The following GRM8 variants were observed in gnomAD, a reference collection of about 807,000 sequenced individuals.
GRM8 encodes the protein glutamate metabotropic receptor 8.
Under a neutral mutation model 87.2 loss-of-function variants are expected in GRM8, and 47 were observed. The ratio of observed to expected loss-of-function variants is 0.54; its 90% confidence interval spans 0.43 to 0.69. The LOEUF is 0.69. Among genes scored for constraint, GRM8 ranks in the 30% least tolerant of loss-of-function variants. The pLI, the probability that GRM8 is intolerant of heterozygous loss-of-function variation, is 0.00. For missense variants in GRM8, 1,019 were observed against 1,139.2 expected (o/e 0.89, Z 1.52); for synonymous variants, 396 against 404.5 (o/e 0.98, Z 0.25).
At chr7:126,842,901 G>T (rs966141790) in intron 6 of GRM8, among the ~76,000 whole-genome samples, 2 of 152,086 alleles carry the variant, frequency 1.3e-5, no homozygotes, top group South Asian at 4.1e-4. Flanking sequence ...AAGACAATAC[G>T]CCTGTGTTCT....
chr7:126,774,418 G>A (rs555353378), intron 6 of GRM8, among the ~76,000 whole-genome samples: 30 of 152,218 alleles, frequency 2.0e-4, no homozygotes, highest in South Asian at 6.2e-4. Flanking sequence ...GCTAAATATC[G>A]TCAAAGGCTT....
intron 6 of GRM8, among the ~76,000 whole-genome samples, chr7:126,824,358 C>A (rs1172482443): frequency 1.3e-5 from 2 of 152,128 alleles, no homozygotes; most frequent in Non-Finnish European, 2.9e-5. Flanking sequence ...AGGAAAGAGT[C>A]AAAGTCAATG....
At chr7:126,546,945 G>A (rs369174643) in intron 8 of GRM8, among the ~76,000 whole-genome samples, 8 of 152,122 alleles carry the variant, frequency 5.3e-5, no homozygotes, top group Non-Finnish European at 7.3e-5. Context: ...GGATACCATC[G>A]TGAAATTAGT....
chr7:126,879,182 AG>A (rs1303204948), intron 6 of GRM8, among the ~76,000 whole-genome samples: 4 of 38,502 alleles, frequency 1.0e-4, no homozygotes, highest in South Asian at 8.8e-4. Context: ...GGGTCGGGGG[AG>A]GGGGCAGGGA....
At chr7:127,248,950 A>G (rs1270216777) in intron 1 of GRM8, among the ~76,000 whole-genome samples, 2 of 152,208 alleles carry the variant, frequency 1.3e-5, no homozygotes, top group Non-Finnish European at 2.9e-5. Flanking sequence ...ATGGACACTG[A>G]GCATCTAAAT....
intron 2 of GRM8, among the ~76,000 whole-genome samples, chr7:127,119,372 G>T (rs906223714): frequency 6.6e-6 from 1 of 152,042 alleles, no homozygotes; most frequent in Admixed American, 6.6e-5. Flanking sequence ...TGTAGTCCTA[G>T]CTACTCAAGA....
intron 9 of GRM8, among the ~76,000 whole-genome samples, chr7:126,495,106 G>A (rs1418108199): frequency 1.3e-5 from 2 of 151,930 alleles, no homozygotes; most frequent in African/African-American, 4.8e-5. Context: ...TTTGCAAACT[G>A]TGCAACAGTT....
At chr7:127,115,100 A>G (rs1826623494) in intron 2 of GRM8, among the ~76,000 whole-genome samples, 1 of 152,102 alleles carries the variant, frequency 6.6e-6, no homozygotes, top group Non-Finnish European at 1.5e-5. Flanking sequence ...CTCAAAAGGA[A>G]ATTGCATTCT....
At chr7:126,484,702 CA>C (rs1436526359) in intron 9 of GRM8, among the ~76,000 whole-genome samples, 1 of 151,614 alleles carries the variant, frequency 6.6e-6, no homozygotes, top group African/African-American at 2.4e-5. Flanking sequence ...ATCTTTATTC[CA>C]AAAGTTTTTG....
chr7:126,873,061 A>C (rs1382691131), intron 6 of GRM8, among the ~76,000 whole-genome samples: 1 of 152,130 alleles, frequency 6.6e-6, no homozygotes, highest in East Asian at 1.9e-4. Flanking sequence ...TAAAACACAC[A>C]CCTGCGCATA....
chr7:126,453,354 C>A (rs969865687), intron 9 of GRM8, among the ~76,000 whole-genome samples: 2 of 151,700 alleles, frequency 1.3e-5, no homozygotes, highest in African/African-American at 4.8e-5. Context: ...TTTGCAGTCA[C>A]TTATCACATC....
intron 6 of GRM8, among the ~76,000 whole-genome samples, chr7:126,847,375 A>G (rs1796795190): frequency 1.3e-5 from 2 of 152,206 alleles, no homozygotes; most frequent in South Asian, 2.1e-4. Flanking sequence ...TGTTCTAGAT[A>G]TCTAATGCTG....
At chr7:127,004,922 C>A (rs537911269) in intron 3 of GRM8, among the ~76,000 whole-genome samples, 14 of 151,244 alleles carry the variant, frequency 9.3e-5, no homozygotes, top group South Asian at 8.3e-4. Context: ...AGGAAAGAGA[C>A]AATTATTGAT....
chr7:126,504,376 C>T (rs1810117998), intron 9 of GRM8, among the ~76,000 whole-genome samples: 1 of 151,994 alleles, frequency 6.6e-6, no homozygotes. Context: ...TCAAAATGTC[C>T]TTCCTTGAAA....
chr7:126,864,124 G>A, intron 6 of GRM8, among the ~76,000 whole-genome samples: 1 of 140,376 alleles, frequency 7.1e-6, no homozygotes, highest in East Asian at 2.3e-4. Context: ...TCCTGCCTCA[G>A]CCTCCCAAAG....
At chr7:126,853,197 GA>G (rs1169714490) in intron 6 of GRM8, among the ~76,000 whole-genome samples, 9 of 152,202 alleles carry the variant, frequency 5.9e-5, no homozygotes, top group African/African-American at 2.2e-4. Context: ...GAGGATGAAA[GA>G]ATCAGACCAC....
intron 3 of GRM8, among the ~76,000 whole-genome samples, chr7:126,948,658 C>T (rs17865929): frequency 0.026 from 4,000 of 152,094 alleles, 172 homozygotes; most frequent in African/African-American, 0.09. Flanking sequence ...GCGGCTAGTC[C>T]GTGCCTGCTG....
chr7:126,592,414 G>A (rs749988392), intron 8 of GRM8, among the ~76,000 whole-genome samples: 5 of 151,934 alleles, frequency 3.3e-5, no homozygotes, highest in Middle Eastern at 3.4e-3. Context: ...TCAAAGGCAC[G>A]TGAAAAAGAT....
At chr7:127,205,466 C>A (rs966315444) in intron 2 of GRM8, among the ~76,000 whole-genome samples, 2 of 152,114 alleles carry the variant, frequency 1.3e-5, no homozygotes, top group African/African-American at 4.8e-5. Flanking sequence ...CAAAACCAAC[C>A]ACTCATTTTC....
Sources: gnomAD v4.1 joint callset for allele counts (sites outside exome capture counted in the v4.1 genomes callset) on GRCh38, gnomAD v4.1.1 for gene constraint, MANE v1.5 for transcripts, NCBI Gene and HGNC (gene_info 2026-07-23, HGNC 2026-07-21) for gene names.